PICALM: variants seen among roughly 807,000 people sequenced by gnomAD.
PICALM encodes the protein phosphatidylinositol-binding clathrin assembly protein.
Under a neutral mutation model 80.5 loss-of-function variants are expected in PICALM, and 40 were observed. The observed-to-expected ratio is 0.50, with a 90% CI of 0.39 to 0.65. The LOEUF (loss-of-function observed/expected upper bound fraction) is 0.65, where lower values mean the gene tolerates loss of function less well. Ranked by LOEUF, PICALM falls within the 30% of genes least tolerant of loss-of-function variation. The probability of loss-of-function intolerance (pLI) is 0.00; values close to 1 mark genes in which losing one functional copy is unlikely to be tolerated. For missense variants in PICALM, 676 were observed against 778.9 expected, an observed-to-expected ratio of 0.87 and a Z score of 1.57; for synonymous variants, 288 against 260.3, an observed-to-expected ratio of 1.11 and a Z score of -1.02.
At chr11:85,990,175 A>C in intron 13 of PICALM, 75 bp downstream of exon 13, 1 of 774,370 alleles carries the variant, frequency 1.3e-6, no homozygotes, top group Non-Finnish European at 2.0e-6. Context: ...TGCTTTTAAA[A>C]TAATTAATGG....
At chr11:85,970,872 A>G (rs1197535676) in intron 19 of PICALM, among the ~76,000 whole-genome samples, 5 of 152,216 alleles carry the variant, frequency 3.3e-5, no homozygotes, top group Admixed American at 3.3e-4. Context: ...TACTGCCTAC[A>G]AAAGATTGTT....
At chr11:85,987,214 G>T (rs2094599189) in intron 13 of PICALM, among the ~76,000 whole-genome samples, 1 of 152,124 alleles carries the variant, frequency 6.6e-6, no homozygotes, top group Non-Finnish European at 1.5e-5. Flanking sequence ...TAAACCCTAT[G>T]ACATAGTTAT....
intron 2 of PICALM, among the ~76,000 whole-genome samples, chr11:86,030,452 T>C (rs1235248619): frequency 6.6e-6 from 1 of 152,254 alleles, no homozygotes; most frequent in Admixed American, 6.5e-5. Context: ...TTCTCATCTC[T>C]AGAAGGTTAT....
At chr11:85,982,857 T>C (rs2094483821) in intron 14 of PICALM, among the ~76,000 whole-genome samples, 1 of 152,184 alleles carries the variant, frequency 6.6e-6, no homozygotes, top group East Asian at 1.9e-4. Context: ...TTCTTTAAGT[T>C]TTCCTCACCA....
At chr11:86,058,886 A>G (rs1488001720) in intron 1 of PICALM, among the ~76,000 whole-genome samples, 1 of 152,190 alleles carries the variant, frequency 6.6e-6, no homozygotes, top group Non-Finnish European at 1.5e-5. Context: ...CCTCTGTTTA[A>G]TTCTTAAAAA....
chr11:85,977,640 G>A (rs562204078), intron 17 of PICALM, among the ~76,000 whole-genome samples: 10 of 152,294 alleles, frequency 6.6e-5, no homozygotes, highest in Non-Finnish European at 1.3e-4. Flanking sequence ...TCGGGTGAGC[G>A]TGTAGGACTT....
intron 2 of PICALM, 51 bp downstream of exon 2, chr11:86,031,418 T>C (rs2095749988): frequency 1.4e-6 from 2 of 1,455,980 alleles, no homozygotes; most frequent in Non-Finnish European, 1.9e-6. Context: ...AGAAGCTAGC[T>C]AACAATAAGT....
chr11:86,001,079 G>GC lies in PICALM; in HGVS notation c.972dup (p.Gln325AlafsTer51). ...GCCTGTTCTTCCTCTAATGCTGCCT[G>GC]CTTTTCCCTTTCATCCACTTTGGTC... On this transcript the variant is annotated frameshift_variant, in exon 10 of 20. Transcript: ENST00000393346. LOFTEE classifies it high-confidence loss of function. The GC allele has an allele frequency of 6.2e-7, 1 of 1,614,108 alleles. No homozygotes were observed. Among genetic ancestry groups the GC allele is most frequent in the Non-Finnish European group, 8.5e-7 (1 of 1,179,974 alleles).
In PICALM at chr11:85,983,856, T is replaced by G; in HGVS notation, c.1516+10A>C. On this transcript the variant is annotated intron_variant, in intron 14 of 19. Coordinates refer to ENST00000393346, the MANE Select transcript of PICALM (RefSeq NM_007166.4). ...ATTATAATATTTTTAATAAAATTTT[T>G]TTTCCTTACCCCCAGAATCTACAAT... is the stretch of plus-strand genomic sequence containing the variant. 1 of 1,206,008 alleles carries G rather than the reference T, an allele frequency of 8.3e-7. No individual in the cohort carries two copies. Among genetic ancestry groups the G allele is most frequent in the Non-Finnish European group, 1.2e-6 (1 of 834,414 alleles). 74.7% of individuals were successfully genotyped at this position (1,206,008 alleles called of 1,614,324 possible).
At chr11:85,975,896 C>T (rs1353383145) in intron 18 of PICALM, among the ~76,000 whole-genome samples, 1 of 152,122 alleles carries the variant, frequency 6.6e-6, no homozygotes, top group Non-Finnish European at 1.5e-5. Flanking sequence ...CACACCCAGC[C>T]TCAGCAGACA....
chr11:86,062,240 G>T (rs2096378973), intron 1 of PICALM, among the ~76,000 whole-genome samples: 1 of 152,178 alleles, frequency 6.6e-6, no homozygotes, highest in Non-Finnish European at 1.5e-5. Context: ...ACCTTGGCCG[G>T]GCGCAGTGGC....
intron 11 of PICALM, 91 bp from the exon 12 acceptor site, chr11:85,997,020 T>TA (rs2094988383): frequency 1.5e-6 from 1 of 663,426 alleles, no homozygotes; most frequent in Non-Finnish European, 2.6e-6. Flanking sequence ...ATAAAAACAT[T>TA]AAAAACAAGG....
Position 86,001,058 on chromosome 11 carries a change from G to C in PICALM, c.994C>G (p.Gln332Glu). 6.2e-7 allele frequency: 1 copy of C among 1,614,128 alleles called. No homozygotes were observed. The highest frequency in any genetic ancestry group is 8.5e-7 in the Non-Finnish European group (1 of 1,179,972). The change falls in exon 10 of 20, where the codon CAG becomes GAG. Residue 332 changes from glutamine (Q) to glutamate (E), a missense_variant. This residue lies in a region of PICALM where 285 missense variants were observed against 395.4 expected (regional missense o/e 0.72). Coordinates refer to ENST00000393346, the MANE Select transcript of PICALM (RefSeq NM_007166.4). ...ACCTTTAAAGCTTTCAAACGTGCCT[G>C]TTCTTCCTCTAATGCTGCCTGCTTT... is the stretch of plus-strand genomic sequence containing the variant. ...REKQAALEEE[Q>E]ARLKALKEQR...
rs186114817 is a variant in PICALM, at chr11:86,031,434, C to T, written c.273+35G>A. On this transcript the variant is annotated intron_variant, in intron 2 of 19. Coordinates refer to ENST00000393346, the MANE Select transcript of PICALM (RefSeq NM_007166.4). ...GAAGCTAGCTAACAATAAGTCAACA[C>T]ATCAGTATACTTGTTCAATAAAAAT... The T allele has an allele frequency of 1.4e-4, 224 of 1,555,268 alleles. No individual in the cohort carries two copies. The African/African-American group carries it at 2.8e-3, about 19-fold the overall frequency.
At chr11:86,053,008 T>A (rs1025936578) in intron 1 of PICALM, among the ~76,000 whole-genome samples, 1 of 152,204 alleles carries the variant, frequency 6.6e-6, no homozygotes, top group African/African-American at 2.4e-5. Flanking sequence ...TCTTCCCTTA[T>A]CAAAAGCAGT....
chr11:86,018,731 A>G (rs887883962), intron 4 of PICALM, among the ~76,000 whole-genome samples: 1 of 152,114 alleles, frequency 6.6e-6, no homozygotes, highest in African/African-American at 2.4e-5. Context: ...TCTACTAAAA[A>G]TACAAAAATT....
rs2096486785 is a variant in PICALM, at chr11:86,069,072, G to T, written c.-292C>A. On this transcript the variant is annotated 5_prime_UTR_variant, in exon 1 of 20. Coordinates refer to ENST00000393346, the MANE Select transcript of PICALM (RefSeq NM_007166.4). ...GGCAGGGTAAGAGGAACAGGCAGCT[G>T]CAGGAAAATGGCGGCGCCAGGCTCC... The T allele has an allele frequency of 2.9e-6, 1 of 343,114 alleles. No individual in the cohort carries two copies. The highest frequency in any genetic ancestry group is 2.1e-5 in the African/African-American group (1 of 47,334). The allele number at this position is 343,114 out of a possible 1,614,324, so 21.3% of individuals were successfully genotyped here.
At chr11:85,991,090 T>C (rs1313778829) in intron 12 of PICALM, among the ~76,000 whole-genome samples, 1 of 152,210 alleles carries the variant, frequency 6.6e-6, no homozygotes, top group African/African-American at 2.4e-5. Flanking sequence ...ATGTATTATA[T>C]CAAATCCTTT....
intron 1 of PICALM, among the ~76,000 whole-genome samples, chr11:86,050,730 T>G (rs1197147220): frequency 6.6e-6 from 1 of 152,138 alleles, no homozygotes; most frequent in East Asian, 1.9e-4. Context: ...TGATGCTCCT[T>G]ACACACCCTC....
Sources: allele counts gnomAD v4.1 joint callset (sites outside exome capture counted in the v4.1 genomes callset), GRCh38; gene constraint gnomAD v4.1.1; regional missense constraint gnomAD v4.1.1; transcripts MANE v1.5; gene names NCBI Gene and HGNC (gene_info 2026-07-23, HGNC 2026-07-21).